The following DSCAM variants were observed in gnomAD, a reference collection of about 807,000 sequenced individuals.
The protein encoded by DSCAM is cell adhesion molecule DSCAM.
A neutral mutation model predicts 217.7 loss-of-function variants in DSCAM; 47 were observed. That is an observed-to-expected ratio of 0.22 (90% CI 0.17 to 0.28). DSCAM has a LOEUF of 0.28. DSCAM is among the 10% of genes least tolerant of loss of function. The pLI, the probability that DSCAM is intolerant of heterozygous loss-of-function variation, is 1.00. For missense variants in DSCAM, 2,080 were observed against 2,618.3 expected (o/e 0.79, Z 4.49); for synonymous variants, 1,056 against 1,015.3 (o/e 1.04, Z -0.76).
At chr21:40,061,315 T>C (rs564223606) in intron 28 of DSCAM, among the ~76,000 whole-genome samples, 1 of 152,288 alleles carries the variant, frequency 6.6e-6, no homozygotes, top group Non-Finnish European at 1.5e-5. Context: ...ATGCCTGTAA[T>C]CCCAGCATTT....
rs539901528 is a variant in DSCAM at position 40,312,020 on chromosome 21, A to T, written c.2062+61T>A. On this transcript the variant is annotated intron_variant, in intron 9 of 32. Transcript: ENST00000400454. The stretch of plus-strand genomic sequence containing the variant: ...TTTTCGAAATATTTCAAGCCCCATC[A>T]TCTTAAACCATTGTTAAATCAACTC... The T allele has an allele frequency of 1.5e-5, 23 of 1,489,378 alleles. No individual in the cohort carries two copies. The East Asian group carries it at 5.3e-4, about 34-fold the overall frequency. 92.3% of individuals were successfully genotyped at this position (1,489,378 alleles called of 1,614,324 possible). A position where few individuals can be genotyped will look rare whatever the true frequency, so the allele number is the denominator to read the frequency against.
intron 3 of DSCAM, among the ~76,000 whole-genome samples, chr21:40,639,497 G>A (rs1451531233): frequency 6.6e-6 from 1 of 152,206 alleles, no homozygotes; most frequent in Non-Finnish European, 1.5e-5. Context: ...TTTAATTGAT[G>A]TGGGCTAGAA....
intron 11 of DSCAM, among the ~76,000 whole-genome samples, chr21:40,228,921 A>C (rs1482640715): frequency 6.6e-6 from 1 of 152,142 alleles, no homozygotes; most frequent in Non-Finnish European, 1.5e-5. Context: ...CACATCTATG[A>C]ATATTCCTGT....
intron 20 of DSCAM, among the ~76,000 whole-genome samples, chr21:40,109,639 A>G (rs755605811): frequency 4.6e-5 from 7 of 152,266 alleles, no homozygotes; most frequent in Non-Finnish European, 1.0e-4. Context: ...CCCAGGAAGC[A>G]CAAGGGTTCA....
intron 1 of DSCAM, among the ~76,000 whole-genome samples, chr21:40,822,578 T>A (rs914844189): frequency 2.0e-5 from 3 of 152,194 alleles, no homozygotes; most frequent in Non-Finnish European, 2.9e-5. Context: ...ATAAGCACAG[T>A]AAATATTTTC....
At chr21:40,167,140 G>A in intron 16 of DSCAM, 78 bp downstream of exon 16, 9 of 1,285,086 alleles carry the variant, frequency 7.0e-6, no homozygotes, top group Middle Eastern at 3.8e-4. Context: ...GAGAGTCTTG[G>A]TGTCATAACA....
intron 3 of DSCAM, among the ~76,000 whole-genome samples, chr21:40,631,036 C>T (rs1473185444): frequency 6.6e-6 from 1 of 152,080 alleles, no homozygotes; most frequent in East Asian, 1.9e-4. Context: ...CCACTTTCTC[C>T]CTGTGCTTTT....
rs1351130230 is a variant in DSCAM at position 40,312,277 on chromosome 21, C to T, written c.1866G>A (p.Gly622=). 4 of 1,613,888 alleles carry T rather than the reference C, an allele frequency of 2.5e-6. No individual in the cohort carries two copies. In the Admixed American group the frequency reaches 5.0e-5, roughly 20 times the overall value. ...RVFIPCVVVS[G]DLPITITWQK... The stretch of plus-strand genomic sequence containing the variant: ...GCCAGGTGATCGTGATGGGTAAGTC[C>T]CCTGAGACCACAACACAGGGGATGA... The change falls in exon 9 of 33, where the codon GGG becomes GGA. Residue 622 remains glycine (G), a synonymous_variant. Transcript: ENST00000400454.
At chr21:40,344,442 A>G (rs1478164075) in intron 6 of DSCAM, among the ~76,000 whole-genome samples, 1 of 152,082 alleles carries the variant, frequency 6.6e-6, no homozygotes, top group East Asian at 1.9e-4. Flanking sequence ...GGCTGCTGAC[A>G]TTATATTCTT....
At chr21:40,840,406 G>A (rs1348467804) in intron 1 of DSCAM, among the ~76,000 whole-genome samples, 1 of 152,074 alleles carries the variant, frequency 6.6e-6, no homozygotes, top group Non-Finnish European at 1.5e-5. Flanking sequence ...CCTAAATGTC[G>A]GTTTGATGTT....
chr21:40,403,934 TCATCATCATCATGATCACCATCATGG>T (rs2075260087), intron 3 of DSCAM, among the ~76,000 whole-genome samples: 2 of 152,172 alleles, frequency 1.3e-5, no homozygotes, highest in Non-Finnish European at 2.9e-5. Flanking sequence ...TCCAAATCAT[TCATCATCATCATGATCACCATCATGG>T]CTACAACTTA....
chr21:40,463,747 G>T (rs570511994), intron 3 of DSCAM, among the ~76,000 whole-genome samples: 1 of 152,294 alleles, frequency 6.6e-6, no homozygotes, highest in South Asian at 2.1e-4. Flanking sequence ...CCAGAAGGCT[G>T]CACCATCATT....
At chr21:40,758,309 T>C (rs1238020829) in intron 1 of DSCAM, among the ~76,000 whole-genome samples, 1 of 152,102 alleles carries the variant, frequency 6.6e-6, no homozygotes, top group Non-Finnish European at 1.5e-5. Context: ...GACATTAGTG[T>C]ATATTCTGAG....
chr21:40,100,032 C>A (rs1338217983), intron 20 of DSCAM, among the ~76,000 whole-genome samples: 1 of 152,152 alleles, frequency 6.6e-6, no homozygotes, highest in Admixed American at 6.5e-5. Flanking sequence ...TAGAGTGAAG[C>A]AGGGTAAGGA....
intron 16 of DSCAM, among the ~76,000 whole-genome samples, chr21:40,164,914 T>C (rs770571810): frequency 1.4e-4 from 21 of 152,236 alleles, no homozygotes; most frequent in Non-Finnish European, 3.1e-4. Context: ...ATAAATGTAA[T>C]ATCTATCTCC....
chr21:40,234,264 C>A (rs751499713), intron 11 of DSCAM, among the ~76,000 whole-genome samples: 10 of 152,148 alleles, frequency 6.6e-5, no homozygotes, highest in South Asian at 6.2e-4. Flanking sequence ...ATCTACATAG[C>A]GCAGAAGTCA....
At chr21:40,616,674 C>T (rs2089398610) in intron 3 of DSCAM, among the ~76,000 whole-genome samples, 2 of 152,138 alleles carry the variant, frequency 1.3e-5, no homozygotes, top group African/African-American at 2.4e-5. Context: ...GAACCATAGT[C>T]CTGAGTCTCC....
intron 9 of DSCAM, among the ~76,000 whole-genome samples, chr21:40,305,740 T>A (rs1280212208): frequency 6.6e-6 from 1 of 152,166 alleles, no homozygotes; most frequent in Non-Finnish European, 1.5e-5. Context: ...TTGTCAAAGA[T>A]CAGACAGTTG....
At chr21:40,461,241 G>A (rs933024304) in intron 3 of DSCAM, among the ~76,000 whole-genome samples, 3 of 152,162 alleles carry the variant, frequency 2.0e-5, no homozygotes, top group Admixed American at 6.5e-5. Context: ...AAGGATACCC[G>A]AGAAACTGGT....
Sources: gnomAD v4.1 joint callset for allele counts (sites outside exome capture counted in the v4.1 genomes callset) on GRCh38, gnomAD v4.1.1 for gene constraint, MANE v1.5 for transcripts, NCBI Gene and HGNC (gene_info 2026-07-23, HGNC 2026-07-21) for gene names.